ADK: variants seen among roughly 807,000 people sequenced by gnomAD.
ADK encodes N6,N6-dimethyladenosine kinase.
In ADK, 24 loss-of-function variants were observed where a neutral mutation model predicts 44.7. That is an observed-to-expected ratio of 0.54 (90% CI 0.39 to 0.76). ADK has a LOEUF of 0.76. ADK is among the 30% of genes least tolerant of loss of function. ADK has a pLI of 0.00. For synonymous variants in ADK, 128 were observed against 142.6 expected (o/e 0.90, Z 0.73); for missense variants, 321 against 425.1 (o/e 0.76, Z 2.15).
intron 1 of ADK, among the ~76,000 whole-genome samples, chr10:74,183,449 C>T (rs1159775450): frequency 1.3e-5 from 2 of 152,140 alleles, no homozygotes; most frequent in Non-Finnish European, 2.9e-5. Flanking sequence ...GGTATTGTGC[C>T]TGTAGTCCCA....
intron 1 of ADK, among the ~76,000 whole-genome samples, chr10:74,172,715 A>G (rs1210650755): frequency 2.0e-5 from 3 of 147,342 alleles, no homozygotes; most frequent in African/African-American, 7.5e-5. Flanking sequence ...AAAAAAGCGG[A>G]TCACGAGGTC....
intron 3 of ADK, among the ~76,000 whole-genome samples, chr10:74,277,910 A>T (rs1193658439): frequency 6.6e-6 from 1 of 152,184 alleles, no homozygotes; most frequent in African/African-American, 2.4e-5. Flanking sequence ...AAAAATATAG[A>T]TTATCTAATT....
chr10:74,697,206 C>T (rs898085844), intron 10 of ADK, among the ~76,000 whole-genome samples: 1 of 152,060 alleles, frequency 6.6e-6, no homozygotes, highest in South Asian at 2.1e-4. Flanking sequence ...TTTGGGAAAA[C>T]AATTTCAGCG....
chr10:74,359,782 G>A (rs1681579383), intron 4 of ADK, among the ~76,000 whole-genome samples: 2 of 152,004 alleles, frequency 1.3e-5, no homozygotes, highest in African/African-American at 4.8e-5. Flanking sequence ...CCAAAACATG[G>A]GATGTCTTTT....
intron 4 of ADK, chr10:74,344,626 CT>C: frequency 4.2e-6 from 1 of 240,470 alleles, no homozygotes. Flanking sequence ...CATGGATATT[CT>C]TTTTGTCATT....
chr10:74,408,308 T>C (rs558585563), intron 6 of ADK, among the ~76,000 whole-genome samples: 1 of 152,300 alleles, frequency 6.6e-6, no homozygotes, highest in Admixed American at 6.5e-5. Flanking sequence ...TTGAATTTGA[T>C]AATAACTATG....
intron 9 of ADK, among the ~76,000 whole-genome samples, chr10:74,628,812 A>C (rs1853311413): frequency 2.0e-5 from 3 of 152,164 alleles, no homozygotes; most frequent in African/African-American, 7.2e-5. Flanking sequence ...ACTGGCAAGC[A>C]CTAAAATGCC....
At chr10:74,166,132 G>C (rs1842028634) in intron 1 of ADK, among the ~76,000 whole-genome samples, 1 of 152,112 alleles carries the variant, frequency 6.6e-6, no homozygotes, top group East Asian at 1.9e-4. Context: ...TAGAGACGGG[G>C]TTTCACTGTG....
chr10:74,491,535 A>G (rs1210848927), intron 6 of ADK, among the ~76,000 whole-genome samples: 1 of 152,196 alleles, frequency 6.6e-6, no homozygotes, highest in Non-Finnish European at 1.5e-5. Context: ...CTTTAAAGAA[A>G]TTTCTCCACT....
In ADK at chr10:74,299,091, C is replaced by T. The variant is rs568948302; in HGVS notation, c.195-15576C>T. Among the ~76,000 whole-genome samples, 4 of 152,110 alleles carry T rather than the reference C, an allele frequency of 2.6e-5. No individual in the cohort carries two copies. In the East Asian group the frequency reaches 5.8e-4, roughly 22 times the overall value. ...TGAAAAATTAGCTTTCATGAAAAGT[C>T]GATGAAACATCTGCAGACGTGAATA... On this transcript the variant is annotated intron_variant, in intron 3 of 10. Coordinates refer to ENST00000539909, the MANE Select transcript of ADK (RefSeq NM_006721.4).
intron 6 of ADK, among the ~76,000 whole-genome samples, chr10:74,429,696 A>G (rs575544998): frequency 4.6e-5 from 7 of 152,300 alleles, no homozygotes; most frequent in African/African-American, 1.7e-4. Flanking sequence ...ACAAATATAA[A>G]AGGAAAAAAT....
At chr10:74,562,029 C>T (rs761362888) in intron 7 of ADK, among the ~76,000 whole-genome samples, 1 of 152,310 alleles carries the variant, frequency 6.6e-6, no homozygotes, top group East Asian at 1.9e-4. Context: ...AACCTTCTCG[C>T]CTTCTCTAGG....
intron 6 of ADK, among the ~76,000 whole-genome samples, chr10:74,408,016 G>T (rs1421905683): frequency 1.3e-5 from 2 of 151,644 alleles, no homozygotes; most frequent in African/African-American, 4.9e-5. Flanking sequence ...GTCTCAGTCT[G>T]TTGCCCAGGC....
intron 6 of ADK, among the ~76,000 whole-genome samples, chr10:74,519,560 T>C (rs527379202): frequency 1.3e-5 from 2 of 152,100 alleles, no homozygotes; most frequent in South Asian, 4.2e-4. Flanking sequence ...AGTTTATGAA[T>C]GTATATTTTC....
At chr10:74,680,703 C>T (rs1398891687) in intron 10 of ADK, among the ~76,000 whole-genome samples, 2 of 152,182 alleles carry the variant, frequency 1.3e-5, no homozygotes, top group African/African-American at 4.8e-5. Context: ...CGATAATTTA[C>T]ATAAAACATA....
intron 6 of ADK, chr10:74,506,031 C>A (rs1168601015): frequency 6.6e-6 from 1 of 152,192 alleles, no homozygotes; most frequent in Non-Finnish European, 1.5e-5. Flanking sequence ...AATGTCAAGC[C>A]ATCCTTTGCT....
At chr10:74,382,289 G>A (rs1480313453) in intron 4 of ADK, among the ~76,000 whole-genome samples, 1 of 152,036 alleles carries the variant, frequency 6.6e-6, no homozygotes, top group African/African-American at 2.4e-5. Context: ...TCTAGAGATG[G>A]GGTTTTACCA....
At chr10:74,370,463 AT>A (rs1308840278) in intron 4 of ADK, among the ~76,000 whole-genome samples, 9 of 152,184 alleles carry the variant, frequency 5.9e-5, no homozygotes, top group Admixed American at 3.3e-4. Flanking sequence ...AATTATTGTT[AT>A]TAGGAAATCA....
chr10:74,500,525 G>C (rs1008470021), intron 6 of ADK, among the ~76,000 whole-genome samples: 3 of 152,036 alleles, frequency 2.0e-5, no homozygotes, highest in African/African-American at 7.2e-5. Context: ...TGCATTTTGA[G>C]CAACTTTCCG....
Sources: allele counts gnomAD v4.1 joint callset (sites outside exome capture counted in the v4.1 genomes callset), GRCh38; gene constraint gnomAD v4.1.1; transcripts MANE v1.5; gene names NCBI Gene and HGNC (gene_info 2026-07-23, HGNC 2026-07-21).